The following RAD1 variants were observed in gnomAD, a reference collection of about 807,000 sequenced individuals.
The protein encoded by RAD1 is cell cycle checkpoint protein RAD1.
A neutral mutation model predicts 30.0 loss-of-function variants in RAD1; 21 were observed. That is an observed-to-expected ratio of 0.70 (90% CI 0.50 to 1.01). The LOEUF is 1.01. Among genes scored for constraint, RAD1 ranks in the 50% least tolerant of loss-of-function variants. The pLI is 0.00. For missense variants in RAD1, 329 were observed against 329.0 expected (o/e 1.00, Z 0.00); for synonymous variants, 109 against 113.6 (o/e 0.96, Z 0.26).
Position 34,914,830 on chromosome 5 carries a change from A to G in RAD1, c.63T>C (p.Leu21=). ...TAGTGGAGAGATTCCTAACGTTGTC[A>G]AGGCTGGCCACAAGGCTGTACTGAT... The part of the protein sequence containing the change: ...EDDQYSLVAS[L]DNVRNLSTIL... Residue 21 remains leucine, a synonymous_variant, in exon 2 of 6, where the codon CTT becomes CTC. Transcript: ENST00000382038. 6.2e-7 allele frequency: 1 copy of G among 1,614,234 alleles called. No individual in the cohort carries two copies. The highest frequency in any genetic ancestry group is 8.5e-7 in the Non-Finnish European group (1 of 1,180,036).
chr5:34,914,736 C>G lies in RAD1; in HGVS notation c.157G>C (p.Val53Leu). Reference sequence around the variant, plus strand: ...GCTTGCACACACTTTGCATTTTCCACTGTTACTTTGATACCATTTTTAGTT... The same window carrying G: ...GCTTGCACACACTTTGCATTTTCCAGTGTTACTTTGATACCATTTTTAGTT... ...FATKNGIKVTVENAKCVQANA... is the reference protein window; with the variant it reads ...FATKNGIKVTLENAKCVQANA... Residue 53 changes from valine (V) to leucine (L), a missense_variant, in exon 2 of 6, where the codon GTG becomes CTG. Val to Leu is a conservative substitution (Grantham distance 32, BLOSUM62 1). Transcript: ENST00000382038. The G allele has an allele frequency of 6.2e-7, 1 of 1,614,234 alleles. No homozygotes were observed. The highest frequency in any genetic ancestry group is 2.2e-5 in the East Asian group (1 of 44,882).
chr5:34,909,879 T>C (rs186534546), intron 4 of RAD1, among the ~76,000 whole-genome samples: 110 of 152,336 alleles, frequency 7.2e-4, no homozygotes, highest in African/African-American at 2.5e-3. Flanking sequence ...CCTGGAACAT[T>C]TGCTGCAGGA....
chr5:34,915,296 C>G (rs1280119486), intron 1 of RAD1, 120 bp downstream of exon 1: 1 of 267,448 alleles, frequency 3.7e-6, no homozygotes, highest in Admixed American at 5.0e-5. Context: ...CAGGCGATGG[C>G]GGGGCGGGCC....
chr5:34,912,782 CTGAGGTCAGGAGTT>C (rs1394962702), intron 3 of RAD1, among the ~76,000 whole-genome samples: 2 of 152,212 alleles, frequency 1.3e-5, no homozygotes, highest in South Asian at 4.1e-4. Context: ...GGCAGATCAC[CTGAGGTCAGGAGTT>C]TGAGACCAGC....
chr5:34,913,517 GTTAAA>G lies in RAD1; in HGVS notation c.255_259del (p.Leu86CysfsTer53), dbSNP rs1274327625. ...AATAGATAAACAGTCTAAAAGGACA[GTTAAA>G]TTAATTCGAAAAGTAACAGACTCTT... On this transcript the variant is annotated frameshift_variant, in exon 3 of 6. Transcript: ENST00000382038. LOFTEE classifies it high-confidence loss of function. 1 of 1,604,392 alleles carries G rather than the reference GTTAAA, an allele frequency of 6.2e-7. No individual in the cohort carries two copies. Among genetic ancestry groups the G allele is most frequent in the Non-Finnish European group, 8.5e-7 (1 of 1,174,372 alleles).
rs1375614427 is a variant in RAD1, at chr5:34,915,497, G to T, written c.-151C>A. 2 of 443,882 alleles carry T rather than the reference G, an allele frequency of 4.5e-6. No individual in the cohort carries two copies. Among genetic ancestry groups the T allele is most frequent in the Non-Finnish European group, 7.9e-6 (2 of 252,412 alleles). The allele number at this position is 443,882 out of a possible 1,614,324, so 27.5% of individuals were successfully genotyped here. Reference sequence around the variant, plus strand: ...AGCGAGGCGGCTCCGAGGAACCGCGGAGGAAGTGAAGCCAGTCCCGCCACT... The same window carrying T: ...AGCGAGGCGGCTCCGAGGAACCGCGTAGGAAGTGAAGCCAGTCCCGCCACT... On this transcript the variant is annotated 5_prime_UTR_variant, in exon 1 of 6. Transcript: ENST00000382038.
Position 34,911,829 on chromosome 5 carries a change from T to A in RAD1, c.308-17A>T, listed in dbSNP as rs763266357. ...TTAAAGTCCCTGCAATGGAAAGAAG[T>A]CATACTTGGCCTTAGCTTTATAGTT... On this transcript the variant is annotated splice_polypyrimidine_tract_variant and intron_variant, in intron 3 of 5. Coordinates refer to ENST00000382038, the MANE Select transcript of RAD1 (RefSeq NM_002853.4). The A allele has an allele frequency of 8.7e-6, 14 of 1,613,128 alleles. 1 individual carries two copies. The South Asian group carries it at 1.5e-4, about 18-fold the overall frequency.
At position 34,908,945 on chromosome 5, in the gene RAD1, G is replaced by C. The variant is rs2308958; in HGVS notation, c.669C>G (p.Tyr223Ter). Residue 223 changes from tyrosine to a stop codon, truncating the protein, a stop_gained, in exon 6 of 6, where the codon TAC becomes TAG. Transcript: ENST00000382038. LOFTEE classifies it high-confidence loss of function. The stretch of plus-strand genomic sequence containing the variant: ...TAGAGGGTTTCAGTAAGGAAATCTT[G>C]TATCTGTAGAAGAAAAAATAAAACG... ...FHCNQTQVNR[Y>*]KISLLKPSTK... 6.2e-7 allele frequency: 1 copy of C among 1,603,592 alleles called. No individual in the cohort carries two copies.
In RAD1 at chr5:34,906,764, C is replaced by T. The variant is rs577377894; in HGVS notation, c.*2001G>A. 7 of 152,310 alleles carry T rather than the reference C, an allele frequency of 4.6e-5. No homozygotes were observed. In the East Asian group the frequency reaches 1.3e-3, roughly 29 times the overall value. The allele number at this position is 152,310 out of a possible 1,614,324, so 9.4% of individuals were successfully genotyped here. Reference sequence around the variant, plus strand: ...GAGAGTCTTTCATCTAACAGAGTTACTAAATGCCCATTATATGTTAGGCGC... The same window carrying T: ...GAGAGTCTTTCATCTAACAGAGTTATTAAATGCCCATTATATGTTAGGCGC... On this transcript the variant is annotated 3_prime_UTR_variant, in exon 6 of 6. Transcript: ENST00000382038.
In RAD1 at chr5:34,907,059, C is replaced by G. The variant is rs1398735304; in HGVS notation, c.*1706G>C. On this transcript the variant is annotated 3_prime_UTR_variant, in exon 6 of 6. Transcript: ENST00000382038. ...TGAGATTGAGACACTTACTAGTTAT[C>G]AGGTGCTGACCCTGGCCACCTCCCA... 1.3e-5 allele frequency: 2 copies of G among 152,150 alleles called. No individual in the cohort carries two copies. The highest frequency in any genetic ancestry group is 4.8e-5 in the African/African-American group (2 of 41,424). The allele number at this position is 152,150 out of a possible 1,614,324, so 9.4% of individuals were successfully genotyped here. A position where few individuals can be genotyped will look rare whatever the true frequency, so the allele number is the denominator to read the frequency against.
rs997592471 is a variant in RAD1, at chr5:34,905,691, A to T, written c.*3074T>A. On this transcript the variant is annotated 3_prime_UTR_variant, in exon 6 of 6. Transcript: ENST00000382038. ...TAAAAGTCTTTAAATATAAGACTGT[A>T]TTCTTCTATATACTACACATCAATT... The T allele has an allele frequency of 2.6e-5, 4 of 152,284 alleles. No homozygotes were observed. The highest frequency in any genetic ancestry group is 1.3e-4 in the Admixed American group (2 of 15,300). 9.4% of individuals were successfully genotyped at this position (152,284 alleles called of 1,614,324 possible). A position where few individuals can be genotyped will look rare whatever the true frequency, so the allele number is the denominator to read the frequency against.
chr5:34,914,158 C>T (rs1763957446), intron 2 of RAD1: 3 of 313,520 alleles, frequency 9.6e-6, no homozygotes, highest in Non-Finnish European at 2.0e-5. Context: ...TTTGGAAGAA[C>T]AAAAATTCTA....
chr5:34,909,096 T>C (rs1701643403), intron 5 of RAD1, 148 bp from the exon 6 acceptor site: 12 of 951,190 alleles, frequency 1.3e-5, no homozygotes, highest in Non-Finnish European at 1.9e-5. Flanking sequence ...ATTCATTCAC[T>C]GTTAGAACCC....
Position 34,915,474 on chromosome 5 carries a change from C to A in RAD1, c.-128G>T, listed in dbSNP as rs1293584980. 1 of 397,536 alleles carries A rather than the reference C, an allele frequency of 2.5e-6. No homozygotes were observed. The highest frequency in any genetic ancestry group is 4.5e-6 in the Non-Finnish European group (1 of 220,832). The allele number at this position is 397,536 out of a possible 1,614,324, so 24.6% of individuals were successfully genotyped here. A position where few individuals can be genotyped will look rare whatever the true frequency, so the allele number is the denominator to read the frequency against. ...TCTCAGCAAAGTCCCTGAAGAGGAG[C>A]GAGGCGGCTCCGAGGAACCGCGGAG... is the stretch of plus-strand genomic sequence containing the variant. On this transcript the variant is annotated 5_prime_UTR_variant, in exon 1 of 6. Transcript: ENST00000382038.
chr5:34,909,388 C>A, intron 4 of RAD1, 32 bp from the exon 5 acceptor site: 1 of 1,458,954 alleles, frequency 6.9e-7, no homozygotes, highest in Non-Finnish European at 9.6e-7. Context: ...TTTATTCATT[C>A]ATCCAAAAAT....
chr5:34,912,017 GA>G (rs1763862779), intron 3 of RAD1, among the ~76,000 whole-genome samples: 2 of 152,194 alleles, frequency 1.3e-5, no homozygotes, highest in Non-Finnish European at 2.9e-5. Flanking sequence ...TTGGGAACCA[GA>G]ACAAAATGTA....
intron 4 of RAD1, among the ~76,000 whole-genome samples, chr5:34,910,394 C>G (rs534214021): frequency 3.9e-5 from 6 of 152,036 alleles, no homozygotes; most frequent in African/African-American, 1.4e-4. Flanking sequence ...TTTTAACTCC[C>G]CAAAGTCATG....
In RAD1 at chr5:34,911,702, C is replaced by G. The variant is rs1438704390; in HGVS notation, c.418G>C (p.Glu140Gln). 4 of 1,614,040 alleles carry G rather than the reference C, an allele frequency of 2.5e-6. No individual in the cohort carries two copies. In the African/African-American group the frequency reaches 4.0e-5, roughly 16 times the overall value. Residue 140 changes from glutamate (E) to glutamine (Q), a missense_variant, in exon 4 of 6, where the codon GAG becomes CAG. By Grantham distance (29) the Glu-to-Gln change is conservative (BLOSUM62 2). Coordinates refer to ENST00000382038, the MANE Select transcript of RAD1 (RefSeq NM_002853.4). ...TVCKINTQEP[E>Q]ETLDFDFCST... ...CAGAAATCAAAGTCCAGGGTCTCCTCAGGTTCCTGTGTATTGATTTTGCAG... is the reference window on the plus strand; with the variant it reads ...CAGAAATCAAAGTCCAGGGTCTCCTGAGGTTCCTGTGTATTGATTTTGCAG...
intron 4 of RAD1, among the ~76,000 whole-genome samples, chr5:34,910,256 TGA>T (rs1763789604): frequency 6.6e-6 from 1 of 152,154 alleles, no homozygotes; most frequent in Non-Finnish European, 1.5e-5. Context: ...TTACCCAGGC[TGA>T]GAGAGATCAC....
Sources: allele counts gnomAD v4.1 joint callset (sites outside exome capture counted in the v4.1 genomes callset), GRCh38; gene constraint gnomAD v4.1.1; transcripts MANE v1.5; gene names NCBI Gene and HGNC (gene_info 2026-07-23, HGNC 2026-07-21).